Variants in SYNE2 observed in about 807,000 individuals in gnomAD.
The protein encoded by SYNE2 is spectrin repeat containing nuclear envelope protein 2.
A neutral mutation model predicts 856.3 loss-of-function variants in SYNE2; 431 were observed. The observed-to-expected ratio is 0.50, with a 90% CI of 0.47 to 0.55. The LOEUF is 0.55. SYNE2 is among the 20% of genes least tolerant of loss of function. The probability of loss-of-function intolerance (pLI) is 0.00; values close to 1 mark genes in which losing one functional copy is unlikely to be tolerated. For missense variants in SYNE2, 8,129 were observed against 8,023.2 expected, an observed-to-expected ratio of 1.01 and a Z score of -0.50; for synonymous variants, 2,923 against 2,872.3, an observed-to-expected ratio of 1.02 and a Z score of -0.56.
At chr14:63,847,960 C>T (rs987314955) in intron 1 of SYNE2, among the ~76,000 whole-genome samples, 15 of 152,088 alleles carry the variant, frequency 9.9e-5, no homozygotes, top group African/African-American at 3.6e-4. Flanking sequence ...AATCTCAACT[C>T]ACTGCAACCT....
In SYNE2 at chr14:64,150,291, CAAAAAAAAAAAAAA is replaced by C. The variant is rs773488742; in HGVS notation, c.15640-2256_15640-2243del. Among the ~76,000 whole-genome samples the C allele has an allele frequency of 2.0e-3, 72 of 35,642 alleles. 2 individuals carry two copies. The East Asian group carries it at 0.023, about 11-fold the overall frequency. The allele number at this position is 35,642 out of a possible 152,430, so 23.4% of individuals were successfully genotyped here. The stretch of plus-strand genomic sequence containing the variant: ...TGGGTGACAGAGCAAGATTCTCTCT[CAAAAAAAAAAAAAA>C]AAAAAAAAAAAAAAAAGGATCCTCC... On this transcript the variant is annotated intron_variant, in intron 84 of 115. Coordinates refer to ENST00000555002, the MANE Select transcript of SYNE2 (RefSeq NM_182914.3).
chr14:64,126,948 G>T, intron 73 of SYNE2, 141 bp downstream of exon 73: 1 of 1,034,566 alleles, frequency 9.7e-7, no homozygotes, highest in South Asian at 1.4e-5. Context: ...TGTTGCTCAT[G>T]GTTGGAGATC....
intron 51 of SYNE2, among the ~76,000 whole-genome samples, chr14:64,069,222 C>A (rs1219404205): frequency 6.6e-6 from 1 of 150,842 alleles, no homozygotes; most frequent in African/African-American, 2.5e-5. Context: ...CCTAGATGTA[C>A]AATTCCCCCA....
intron 6 of SYNE2, among the ~76,000 whole-genome samples, chr14:63,948,712 A>G (rs2096078201): frequency 1.2e-5 from 1 of 84,466 alleles, no homozygotes; most frequent in East Asian, 3.0e-4. Flanking sequence ...ATATGTATAT[A>G]TATATGTGTG....
rs142894160 is a variant in SYNE2, at chr14:64,096,536, G to A, written c.12109-1413G>A. Among the ~76,000 whole-genome samples, 4 of 152,270 alleles carry A rather than the reference G, an allele frequency of 2.6e-5. No homozygotes were observed. The East Asian group carries it at 7.7e-4, about 29-fold the overall frequency. The stretch of plus-strand genomic sequence containing the variant: ...GGCTGTAGTATTGCTCTTGTCAGGA[G>A]GCAGTGTACCTCTGAAGTTTAGTGT... On this transcript the variant is annotated intron_variant, in intron 61 of 115. Transcript: ENST00000555002.
intron 8 of SYNE2, among the ~76,000 whole-genome samples, chr14:63,958,524 T>C (rs911047447): frequency 2.0e-4 from 31 of 152,220 alleles, no homozygotes; most frequent in South Asian, 4.1e-4. Context: ...TCACATCCTT[T>C]CAAGGGTATA....
At chr14:63,931,054 A>G (rs2095747386) in intron 2 of SYNE2, among the ~76,000 whole-genome samples, 1 of 152,146 alleles carries the variant, frequency 6.6e-6, no homozygotes, top group African/African-American at 2.4e-5. Context: ...AACTCCAGGC[A>G]GTCATTGTCA....
chr14:64,137,160 A>C (rs140456612), intron 78 of SYNE2, among the ~76,000 whole-genome samples: 2 of 152,306 alleles, frequency 1.3e-5, no homozygotes, highest in South Asian at 2.1e-4. Flanking sequence ...GTTTGTATGC[A>C]ATAAGTCTAT....
At chr14:64,071,146 T>TTTTG (rs1165660830) in intron 52 of SYNE2, among the ~76,000 whole-genome samples, 4 of 152,168 alleles carry the variant, frequency 2.6e-5, no homozygotes, top group Non-Finnish European at 4.4e-5. Flanking sequence ...TTTGTGGGTT[T>TTTTG]TTTGTTTGTT....
Position 64,113,169 on chromosome 14 carries a change from C to T in SYNE2, c.12610-172C>T, listed in dbSNP as rs968891550. ...TCGGCTGCTTGGAAACCTGTGGCAC[C>T]AGGTCACGTGATTGTTGCTATGAGT... is the stretch of plus-strand genomic sequence containing the variant. On this transcript the variant is annotated intron_variant, in intron 65 of 115. Coordinates refer to ENST00000555002, the MANE Select transcript of SYNE2 (RefSeq NM_182914.3). 1.1e-5 allele frequency: 11 copies of T among 985,232 alleles called. No individual in the cohort carries two copies. In the African/African-American group the frequency reaches 1.9e-4, roughly 17 times the overall value. 61.0% of individuals were successfully genotyped at this position (985,232 alleles called of 1,614,324 possible).
At chr14:64,031,681 C>CTATT (rs2097037089) in intron 45 of SYNE2, among the ~76,000 whole-genome samples, 1 of 152,116 alleles carries the variant, frequency 6.6e-6, no homozygotes, top group African/African-American at 2.4e-5. Flanking sequence ...TGTTCTTTAC[C>CTATT]TATTTTCTCA....
chr14:64,141,209 G>GGTGTGTGT (rs59705430), intron 80 of SYNE2, 132 bp from the exon 81 acceptor site: 26 of 652,970 alleles, frequency 4.0e-5, no homozygotes, highest in Non-Finnish European at 5.9e-5. Flanking sequence ...AGGAAAAAGG[G>GGTGTGTGT]GTGTGTGTGT....
intron 1 of SYNE2, among the ~76,000 whole-genome samples, chr14:63,892,534 C>A (rs150507994): frequency 6.6e-6 from 1 of 150,614 alleles, no homozygotes; most frequent in Non-Finnish European, 1.5e-5. Context: ...CTAAGAATTC[C>A]GGTCATTTGG....
intron 76 of SYNE2, 60 bp from the exon 77 acceptor site, chr14:64,132,205 T>C: frequency 1.9e-6 from 3 of 1,586,048 alleles, no homozygotes; most frequent in African/African-American, 1.3e-5. Context: ...TTGAAGTAAC[T>C]TGGTTTTTAA....
chr14:64,022,812 T>G lies in SYNE2; in HGVS notation c.5586T>G (p.Phe1862Leu). Residue 1862 changes from phenylalanine to leucine, a missense_variant, in exon 38 of 116, where the codon TTT (phenylalanine) becomes TTG (leucine). By Grantham distance (22) the Phe-to-Leu change is conservative. This residue lies in a region of SYNE2 where 2,422 missense variants were observed against 2,357.4 expected (regional missense o/e 1.03). Transcript: ENST00000555002. ...SNIKVNLKEC[F>L]ESSETKKSVE... ...TTAAAGTGAACCTTAAGGAGTGTTT[T>G]GAATCATCAGAAACAAAAAAGAGTG... 3 of 1,612,368 alleles carry G rather than the reference T, an allele frequency of 1.9e-6. No individual in the cohort carries two copies. Among genetic ancestry groups the G allele is most frequent in the Non-Finnish European group, 2.5e-6 (3 of 1,178,744 alleles).
chr14:63,834,443 G>A (rs971789329), intron 1 of SYNE2, among the ~76,000 whole-genome samples: 2 of 152,080 alleles, frequency 1.3e-5, no homozygotes, highest in Non-Finnish European at 2.9e-5. Flanking sequence ...GACTGATTTA[G>A]TAATGAATGA....
rs1204839640 is a variant in SYNE2, at chr14:64,100,531, AATATATATATATATATAT to A, written c.12382-1378_12382-1361del. 4.2e-3 allele frequency among the ~76,000 whole-genome samples: 167 copies of A among 39,488 alleles called. 15 individuals carry two copies. Among genetic ancestry groups the A allele is most frequent in the South Asian group, 0.019 (17 of 906 alleles). 25.9% of individuals were successfully genotyped at this position (39,488 alleles called of 152,430 possible). On this transcript the variant is annotated intron_variant, in intron 63 of 115. Transcript: ENST00000555002. ...AACTGTCTCAAAAAAAAAAAAAAAA[AATATATATATATATATAT>A]ATATATATATATATATATATATTTA...
chr14:64,043,558 C>A (rs548756232), intron 45 of SYNE2, among the ~76,000 whole-genome samples: 1 of 152,092 alleles, frequency 6.6e-6, no homozygotes, highest in African/African-American at 2.4e-5. Flanking sequence ...TACAGTCTAG[C>A]GACCGAGTGC....
intron 96 of SYNE2, among the ~76,000 whole-genome samples, chr14:64,181,568 C>T (rs77315502): frequency 5.9e-5 from 9 of 152,284 alleles, no homozygotes; most frequent in East Asian, 3.9e-4. Context: ...GCATTGAGTT[C>T]GTTCAACCCG....
Sources: gnomAD v4.1 joint callset for allele counts (sites outside exome capture counted in the v4.1 genomes callset) on GRCh38, gnomAD v4.1.1 for gene constraint, gnomAD v4.1.1 regional missense constraint, MANE v1.5 for transcripts, NCBI Gene and HGNC (gene_info 2026-07-23, HGNC 2026-07-21) for gene names.